MAGI2: variants seen among roughly 807,000 people sequenced by gnomAD.
MAGI2 encodes membrane-associated guanylate kinase, WW and PDZ domain-containing protein 2.
In MAGI2, 35 loss-of-function variants were observed where a neutral mutation model predicts 133.3. That is an observed-to-expected ratio of 0.26 (90% CI 0.20 to 0.35). The LOEUF (loss-of-function observed/expected upper bound fraction) is 0.35, where lower values mean the gene tolerates loss of function less well. Ranked by LOEUF, MAGI2 falls within the 10% of genes least tolerant of loss-of-function variation. The pLI is 1.00. For missense variants in MAGI2, 1,636 were observed against 1,863.4 expected (o/e 0.88, Z 2.25); for synonymous variants, 729 against 710.6 (o/e 1.03, Z -0.41).
chr7:78,067,261 ATGGCCTTTAC>A (rs1732392924), intron 21 of MAGI2, among the ~76,000 whole-genome samples: 1 of 152,254 alleles, frequency 6.6e-6, no homozygotes, highest in Non-Finnish European at 1.5e-5. Flanking sequence ...GGTTTTAAAC[ATGGCCTTTAC>A]TGGGCTTGGA....
chr7:78,789,782 A>T (rs1827116816), intron 2 of MAGI2, among the ~76,000 whole-genome samples: 1 of 152,206 alleles, frequency 6.6e-6, no homozygotes, highest in Non-Finnish European at 1.5e-5. Flanking sequence ...ATCACGTACT[A>T]CATCTTATTC....
chr7:79,218,261 G>A (rs1830186545), intron 1 of MAGI2, among the ~76,000 whole-genome samples: 1 of 151,966 alleles, frequency 6.6e-6, no homozygotes, highest in Non-Finnish European at 1.5e-5. Flanking sequence ...AAAATCCCCA[G>A]TGTGCTATCT....
intron 2 of MAGI2, among the ~76,000 whole-genome samples, chr7:78,832,966 T>C (rs59185499): frequency 6.6e-6 from 1 of 152,060 alleles, no homozygotes; most frequent in Non-Finnish European, 1.5e-5. Flanking sequence ...TGTTCATATG[T>C]ATAAGATAGG....
At chr7:78,513,195 A>G (rs955333962) in intron 4 of MAGI2, among the ~76,000 whole-genome samples, 1 of 152,156 alleles carries the variant, frequency 6.6e-6, no homozygotes, top group African/African-American at 2.4e-5. Context: ...AGGAAATTCA[A>G]AGGAGATGAA....
chr7:79,267,684 T>C (rs531671441), intron 1 of MAGI2, among the ~76,000 whole-genome samples: 1 of 152,262 alleles, frequency 6.6e-6, no homozygotes, highest in South Asian at 2.1e-4. Context: ...GGTTCGAGTC[T>C]GTGGAAATAA....
intron 1 of MAGI2, among the ~76,000 whole-genome samples, chr7:79,102,343 CT>C (rs1818056645): frequency 6.6e-6 from 1 of 152,082 alleles, no homozygotes; most frequent in South Asian, 2.1e-4. Context: ...TGATTGCTTC[CT>C]TAAAAGAATG....
intron 2 of MAGI2, among the ~76,000 whole-genome samples, chr7:78,681,221 C>T (rs570434245): frequency 1.1e-4 from 16 of 150,054 alleles, no homozygotes; most frequent in South Asian, 4.3e-4. Flanking sequence ...TTGAGACCCA[C>T]GGGTCAATAA....
intron 1 of MAGI2, among the ~76,000 whole-genome samples, chr7:79,319,249 G>T (rs916162273): frequency 6.6e-6 from 1 of 152,064 alleles, no homozygotes. Flanking sequence ...CTAGAAAGAG[G>T]ACACTAACAC....
chr7:78,901,045 A>C (rs990493154), intron 2 of MAGI2, among the ~76,000 whole-genome samples: 2 of 152,166 alleles, frequency 1.3e-5, no homozygotes, highest in Admixed American at 6.6e-5. Context: ...ACGAATTAGG[A>C]GCATGGATAG....
chr7:78,197,134 C>A (rs951082529), intron 11 of MAGI2, among the ~76,000 whole-genome samples: 1 of 152,196 alleles, frequency 6.6e-6, no homozygotes, highest in Non-Finnish European at 1.5e-5. Context: ...TTCATTTGAT[C>A]GCAAAATTCA....
chr7:78,475,827 T>A (rs768588598), intron 6 of MAGI2, among the ~76,000 whole-genome samples: 3 of 151,846 alleles, frequency 2.0e-5, no homozygotes, highest in Non-Finnish European at 2.9e-5. Flanking sequence ...CTAGTAGAAC[T>A]TGAACATTTA....
chr7:79,262,704 A>G (rs1834171661), intron 1 of MAGI2, among the ~76,000 whole-genome samples: 1 of 152,232 alleles, frequency 6.6e-6, no homozygotes, highest in Admixed American at 6.5e-5. Context: ...CCTCACTGTG[A>G]GTTATGTGAC....
chr7:78,320,507 A>T (rs1787890132), intron 9 of MAGI2, among the ~76,000 whole-genome samples: 1 of 152,232 alleles, frequency 6.6e-6, no homozygotes, highest in Non-Finnish European at 1.5e-5. Flanking sequence ...CATAAGCCGA[A>T]CCAATGACAA....
At chr7:78,653,689 T>C (rs923174375) in intron 2 of MAGI2, among the ~76,000 whole-genome samples, 3 of 151,280 alleles carry the variant, frequency 2.0e-5, no homozygotes, top group African/African-American at 4.9e-5. Context: ...ATGTAGTTGA[T>C]GGGTGCTGCA....
chr7:78,826,370 A>G lies in MAGI2; in HGVS notation c.418+180720T>C, dbSNP rs1044941358. ...TCCGTCTAAAAAAAAAAAAAAAAAAAAAGAGTATATTAATAAGTAAAAAAG... is the reference window on the plus strand; with the variant it reads ...TCCGTCTAAAAAAAAAAAAAAAAAAGAAGAGTATATTAATAAGTAAAAAAG... On this transcript the variant is annotated intron_variant, in intron 2 of 21. Transcript: ENST00000354212. Among the ~76,000 whole-genome samples the G allele has an allele frequency of 6.6e-5, 10 of 151,512 alleles. 1 individual carries two copies. Among genetic ancestry groups the G allele is most frequent in the Non-Finnish European group, 1.2e-4 (8 of 67,866 alleles).
At chr7:78,590,514 A>G (rs1164723107) in intron 3 of MAGI2, among the ~76,000 whole-genome samples, 1 of 152,200 alleles carries the variant, frequency 6.6e-6, no homozygotes, top group African/African-American at 2.4e-5. Context: ...GCTGTGAATA[A>G]ACTAAAATAT....
chr7:78,689,294 A>G (rs1389193756), intron 2 of MAGI2, among the ~76,000 whole-genome samples: 2 of 152,194 alleles, frequency 1.3e-5, no homozygotes, highest in African/African-American at 4.8e-5. Context: ...TCCACGATAT[A>G]TGTTGAAAAT....
At chr7:79,111,658 CTTTTG>C in intron 1 of MAGI2, among the ~76,000 whole-genome samples, 1 of 151,758 alleles carries the variant, frequency 6.6e-6, no homozygotes, top group East Asian at 1.9e-4. Flanking sequence ...CAAATAGAGA[CTTTTG>C]TTTGTTTGTT....
At chr7:79,274,275 C>A (rs1325831193) in intron 1 of MAGI2, among the ~76,000 whole-genome samples, 1 of 152,062 alleles carries the variant, frequency 6.6e-6, no homozygotes, top group Non-Finnish European at 1.5e-5. Flanking sequence ...CACAGATTAC[C>A]TTTGAATCTG....
Sources: gnomAD v4.1 joint callset for allele counts (sites outside exome capture counted in the v4.1 genomes callset) on GRCh38, gnomAD v4.1.1 for gene constraint, MANE v1.5 for transcripts, NCBI Gene and HGNC (gene_info 2026-07-23, HGNC 2026-07-21) for gene names.